SOX5: variants seen among roughly 807,000 people sequenced by gnomAD.
SOX5 encodes SRY-box transcription factor 5.
SOX5 carries 9 observed loss-of-function variants against 92.0 expected under a neutral mutation model. The observed-to-expected ratio is 0.10, with a 90% CI of 0.06 to 0.17. SOX5 has a LOEUF of 0.17. SOX5 is among the 10% of genes least tolerant of loss of function. The pLI is 1.00. For synonymous variants in SOX5, 344 were observed against 336.3 expected (o/e 1.02, Z -0.25); for missense variants, 642 against 944.5 (o/e 0.68, Z 4.20).
At chr12:24,337,007 C>T (rs1370144046) in intron 2 of SOX5, among the ~76,000 whole-genome samples, 2 of 152,100 alleles carry the variant, frequency 1.3e-5, no homozygotes, top group South Asian at 2.1e-4. Context: ...TTAAGATGCA[C>T]GTGGATGCTT....
At chr12:24,031,283 A>G (rs989090402) in intron 4 of SOX5, among the ~76,000 whole-genome samples, 2 of 151,930 alleles carry the variant, frequency 1.3e-5, no homozygotes, top group Non-Finnish European at 2.9e-5. Flanking sequence ...TATTCACAAT[A>G]GCCAAGATAC....
chr12:24,426,855 G>A (rs146697991), intron 1 of SOX5, among the ~76,000 whole-genome samples: 6 of 151,926 alleles, frequency 3.9e-5, no homozygotes, highest in East Asian at 3.9e-4. Flanking sequence ...TTTTTCCCTC[G>A]TCTTTACCCC....
intron 4 of SOX5, among the ~76,000 whole-genome samples, chr12:24,051,034 AC>A (rs1258029339): frequency 6.6e-6 from 1 of 152,102 alleles, no homozygotes; most frequent in East Asian, 1.9e-4. Context: ...ATAGCCAAAA[AC>A]ATACTAATTT....
At chr12:23,843,554 CTTTTTTTT>C (rs71059931) in intron 3 of SOX5, among the ~76,000 whole-genome samples, 1 of 71,332 alleles carries the variant, frequency 1.4e-5, no homozygotes, top group Non-Finnish European at 2.4e-5. Flanking sequence ...GTCATTTCTC[CTTTTTTTT>C]TTTTTTTTTT....
intron 3 of SOX5, among the ~76,000 whole-genome samples, chr12:23,845,578 C>T (rs904423558): frequency 4.6e-5 from 7 of 151,850 alleles, no homozygotes; most frequent in Non-Finnish European, 8.8e-5. Context: ...ATACAAGAAA[C>T]AGGATAAGAT....
intron 4 of SOX5, among the ~76,000 whole-genome samples, chr12:24,165,722 T>G (rs1285690681): frequency 1.3e-5 from 2 of 151,992 alleles, no homozygotes; most frequent in African/African-American, 2.4e-5. Context: ...TGGCTGGAGT[T>G]TGGCAGAGCC....
chr12:23,849,840 A>G (rs1595031587), intron 2 of SOX5, among the ~76,000 whole-genome samples: 2 of 152,166 alleles, frequency 1.3e-5, no homozygotes, highest in South Asian at 4.1e-4. Flanking sequence ...ATATTTCTAC[A>G]TGACTAATCA....
At chr12:23,736,470 TA>T (rs1384750622) in intron 5 of SOX5, among the ~76,000 whole-genome samples, 45 of 143,568 alleles carry the variant, frequency 3.1e-4, no homozygotes, top group Middle Eastern at 3.6e-3. Context: ...TCAGAAATAA[TA>T]AAAAAAAAAA....
intron 3 of SOX5, among the ~76,000 whole-genome samples, chr12:24,238,646 A>G (rs1406498373): frequency 2.1e-4 from 32 of 152,110 alleles, no homozygotes; most frequent in Admixed American, 2.1e-3. Context: ...AGTGAGCCAC[A>G]GTGCCCGGCC....
At chr12:23,535,515 AG>A (rs1391166131) in intron 14 of SOX5, among the ~76,000 whole-genome samples, 1 of 152,232 alleles carries the variant, frequency 6.6e-6, no homozygotes, top group Non-Finnish European at 1.5e-5. Context: ...TAAATAATGT[AG>A]GTGGTCCTAT....
intron 4 of SOX5, among the ~76,000 whole-genome samples, chr12:24,137,514 C>T (rs1950212322): frequency 6.6e-6 from 1 of 152,228 alleles, no homozygotes; most frequent in East Asian, 1.9e-4. Flanking sequence ...CACCTGTAAT[C>T]CCAGCTACTC....
At chr12:24,252,420 C>T (rs998043352) in intron 3 of SOX5, among the ~76,000 whole-genome samples, 5 of 151,406 alleles carry the variant, frequency 3.3e-5, no homozygotes, top group African/African-American at 9.7e-5. Flanking sequence ...GCCTTAAGCA[C>T]ATGTAACTTA....
At chr12:24,438,091 AC>A (rs1939794681) in intron 1 of SOX5, among the ~76,000 whole-genome samples, 1 of 152,262 alleles carries the variant, frequency 6.6e-6, no homozygotes, top group Non-Finnish European at 1.5e-5. Flanking sequence ...ACCATGGAAT[AC>A]TATGCAGCCA....
intron 1 of SOX5, among the ~76,000 whole-genome samples, chr12:23,916,500 G>T (rs992871381): frequency 2.0e-5 from 3 of 152,156 alleles, no homozygotes; most frequent in Non-Finnish European, 2.9e-5. Context: ...TCAGCTCATG[G>T]AGTATATAGA....
At chr12:23,977,069 G>A (rs1036843652) in intron 4 of SOX5, among the ~76,000 whole-genome samples, 19 of 152,062 alleles carry the variant, frequency 1.2e-4, no homozygotes, top group African/African-American at 4.6e-4. Context: ...ATATCATTAA[G>A]TTCATACTTA....
At chr12:23,951,024 A>G, upstream of SOX5, 1 of 651,614 alleles carries the variant, frequency 1.5e-6, no homozygotes, top group Non-Finnish European at 2.7e-6. Flanking sequence ...CACGCTCTCC[A>G]CTCCTACTGG....
intron 4 of SOX5, among the ~76,000 whole-genome samples, chr12:23,992,210 C>A (rs1470151099): frequency 6.6e-6 from 1 of 152,042 alleles, no homozygotes; most frequent in Non-Finnish European, 1.5e-5. Context: ...GGAAGTTGGT[C>A]TGGCAACACC....
chr12:23,639,333 A>G (rs1433905271), intron 8 of SOX5, among the ~76,000 whole-genome samples: 1 of 152,206 alleles, frequency 6.6e-6, no homozygotes, highest in Non-Finnish European at 1.5e-5. Flanking sequence ...AGAGTCGTGC[A>G]ATGAACATAG....
chr12:23,907,180 ATGTGTGTATG>A (rs1442811389), intron 1 of SOX5, among the ~76,000 whole-genome samples: 2 of 152,082 alleles, frequency 1.3e-5, no homozygotes, highest in African/African-American at 4.8e-5. Flanking sequence ...ATGTGTGTGC[ATGTGTGTATG>A]TGTGCACACG....
Sources: gnomAD v4.1 joint callset for allele counts (sites outside exome capture counted in the v4.1 genomes callset) on GRCh38, gnomAD v4.1.1 for gene constraint, MANE v1.5 for transcripts, NCBI Gene and HGNC (gene_info 2026-07-23, HGNC 2026-07-21) for gene names.